SLC12A2: variants seen among roughly 807,000 people sequenced by gnomAD.
The protein encoded by SLC12A2 is Na-K-2Cl cotransporter 1.
In SLC12A2, 67 loss-of-function variants were observed where a neutral mutation model predicts 136.3. The observed-to-expected ratio is 0.49, with a 90% CI of 0.40 to 0.60. The LOEUF is 0.60. Ranked by LOEUF, SLC12A2 falls within the 20% of genes least tolerant of loss-of-function variation. SLC12A2 has a pLI of 0.00. For missense variants in SLC12A2, 1,322 were observed against 1,534.7 expected (o/e 0.86, Z 2.32); for synonymous variants, 619 against 562.9 (o/e 1.10, Z -1.41).
intron 1 of SLC12A2, among the ~76,000 whole-genome samples, chr5:128,090,626 G>C (rs956267457): frequency 2.0e-5 from 3 of 152,126 alleles, no homozygotes; most frequent in African/African-American, 7.2e-5. Context: ...AGCAGGGCGA[G>C]GAAAATTAAA....
chr5:128,086,644 C>T (rs1760108659), intron 1 of SLC12A2, among the ~76,000 whole-genome samples: 1 of 152,164 alleles, frequency 6.6e-6, no homozygotes, highest in Non-Finnish European at 1.5e-5. Flanking sequence ...AGTTTACCTT[C>T]TGCCACTCAT....
At chr5:128,175,219 C>G (rs1763501587) in intron 20 of SLC12A2, among the ~76,000 whole-genome samples, 1 of 151,954 alleles carries the variant, frequency 6.6e-6, no homozygotes, top group Admixed American at 6.6e-5. Context: ...AAAATATTTC[C>G]CATTCTTTTT....
At chr5:128,103,587 G>A (rs1760821910) in intron 1 of SLC12A2, among the ~76,000 whole-genome samples, 1 of 152,128 alleles carries the variant, frequency 6.6e-6, no homozygotes, top group Non-Finnish European at 1.5e-5. Context: ...AAATAAAAAA[G>A]ATAATTACAG....
rs141029122 is a variant in SLC12A2, at chr5:128,086,932, A to G, written c.756+2222A>G. ...AATTATAATATTTAGAATTTTTATA[A>G]CACCTAATTCTAGCAGTCGATTGAT... On this transcript the variant is annotated intron_variant, in intron 1 of 26. Coordinates refer to ENST00000262461, the MANE Select transcript of SLC12A2 (RefSeq NM_001046.3). Among the ~76,000 whole-genome samples the G allele has an allele frequency of 9.2e-5, 14 of 152,324 alleles. No individual in the cohort carries two copies. The East Asian group carries it at 2.5e-3, about 27-fold the overall frequency.
At chr5:128,099,911 G>C (rs1018590481) in intron 1 of SLC12A2, among the ~76,000 whole-genome samples, 1 of 151,960 alleles carries the variant, frequency 6.6e-6, no homozygotes, top group Non-Finnish European at 1.5e-5. Flanking sequence ...GCCTGAGGCT[G>C]TTTTACAGTT....
rs1226146574 is a variant in SLC12A2, at chr5:128,105,275, A to G, written c.757-7539A>G. On this transcript the variant is annotated intron_variant, in intron 1 of 26. Transcript: ENST00000262461. ...TAAGCCGTCACTTACGACTTAACAC[A>G]TATACACGATGTTTAGAGCTATGAG... Among the ~76,000 whole-genome samples the G allele has an allele frequency of 2.0e-5, 3 of 152,202 alleles. No individual in the cohort carries two copies. The South Asian group carries it at 6.2e-4, about 31-fold the overall frequency.
At chr5:128,115,662 G>T (rs1462513408) in intron 4 of SLC12A2, among the ~76,000 whole-genome samples, 1 of 152,204 alleles carries the variant, frequency 6.6e-6, no homozygotes, top group Non-Finnish European at 1.5e-5. Flanking sequence ...CAAAATGTCT[G>T]CCAGCACCTG....
At chr5:128,142,167 A>G (rs892402660) in intron 10 of SLC12A2, among the ~76,000 whole-genome samples, 186 bp downstream of exon 10, 12 of 152,114 alleles carry the variant, frequency 7.9e-5, no homozygotes, top group Non-Finnish European at 1.8e-4. Flanking sequence ...CGGTGGTGCT[A>G]TCTTGGCTTG....
At chr5:128,102,394 T>G (rs1303853124) in intron 1 of SLC12A2, among the ~76,000 whole-genome samples, 2 of 152,046 alleles carry the variant, frequency 1.3e-5, no homozygotes, top group Non-Finnish European at 2.9e-5. Context: ...TGGTGATCAC[T>G]TCTTTGGGTA....
At chr5:128,148,424 TC>T (rs1011898928) in intron 11 of SLC12A2, among the ~76,000 whole-genome samples, 39 of 151,852 alleles carry the variant, frequency 2.6e-4, no homozygotes, top group African/African-American at 9.4e-4. Flanking sequence ...AGCTTGTTTT[TC>T]TTAAAATAGG....
intron 13 of SLC12A2, among the ~76,000 whole-genome samples, chr5:128,150,461 A>C (rs1762666526): frequency 6.6e-6 from 1 of 151,818 alleles, no homozygotes; most frequent in Admixed American, 6.6e-5. Context: ...GAGTTCTGTA[A>C]AATTCTGAAA....
intron 10 of SLC12A2, among the ~76,000 whole-genome samples, chr5:128,147,419 C>T (rs994752670): frequency 2.6e-5 from 4 of 151,492 alleles, no homozygotes; most frequent in East Asian, 1.9e-4. Context: ...TAACATTTTA[C>T]GAATGAAAAG....
chr5:128,099,713 G>A (rs1760677264), intron 1 of SLC12A2, among the ~76,000 whole-genome samples: 1 of 151,822 alleles, frequency 6.6e-6, no homozygotes, highest in South Asian at 2.1e-4. Flanking sequence ...TTAAACATCT[G>A]TTTTTTTGTT....
At chr5:128,153,501 G>A (rs1336835223) in intron 15 of SLC12A2, among the ~76,000 whole-genome samples, 2 of 152,172 alleles carry the variant, frequency 1.3e-5, no homozygotes, top group Non-Finnish European at 2.9e-5. Flanking sequence ...GTTGCAGTGA[G>A]CCAAGATCAT....
intron 1 of SLC12A2, among the ~76,000 whole-genome samples, chr5:128,091,155 G>T (rs1760300996): frequency 6.6e-6 from 1 of 152,146 alleles, no homozygotes; most frequent in South Asian, 2.1e-4. Flanking sequence ...TCAGATGCTG[G>T]ATGTGTTTCA....
chr5:128,101,960 A>T (rs1379316162), intron 1 of SLC12A2, among the ~76,000 whole-genome samples: 1 of 152,184 alleles, frequency 6.6e-6, no homozygotes, highest in Non-Finnish European at 1.5e-5. Flanking sequence ...TTTTAGAGGT[A>T]ATCTTAAACT....
chr5:128,179,669 C>G (rs372626809), intron 22 of SLC12A2, among the ~76,000 whole-genome samples: 1 of 152,036 alleles, frequency 6.6e-6, no homozygotes, highest in Non-Finnish European at 1.5e-5. Flanking sequence ...AGATGCCACA[C>G]ACTTTTAAAT....
At chr5:128,130,144 C>T (rs1198738344) in intron 4 of SLC12A2, among the ~76,000 whole-genome samples, 1 of 151,990 alleles carries the variant, frequency 6.6e-6, no homozygotes, top group African/African-American at 2.4e-5. Context: ...GGCGTGGTGG[C>T]TCACACCTGT....
rs1763974032 is a variant in SLC12A2 at position 128,189,372 on chromosome 5, GATT to G, written c.*2746_*2748del. On this transcript the variant is annotated 3_prime_UTR_variant, in exon 27 of 27. Transcript: ENST00000262461. ...TTAGAGAGAATGGTGGTGTTGAGCT[GATT>G]ATTAACAGTTACTGAAATCAAATAT... 1 of 152,044 alleles carries G rather than the reference GATT, an allele frequency of 6.6e-6. No individual in the cohort carries two copies. Among genetic ancestry groups the G allele is most frequent in the Non-Finnish European group, 1.5e-5 (1 of 67,990 alleles). 9.4% of individuals were successfully genotyped at this position (152,044 alleles called of 1,614,324 possible).
Sources: allele counts gnomAD v4.1 joint callset (sites outside exome capture counted in the v4.1 genomes callset), GRCh38; gene constraint gnomAD v4.1.1; transcripts MANE v1.5; gene names NCBI Gene and HGNC (gene_info 2026-07-23, HGNC 2026-07-21).